Variants in ATG10 observed in about 807,000 individuals in gnomAD.
ATG10 encodes ubiquitin-like-conjugating enzyme ATG10.
ATG10 carries 30 observed loss-of-function variants against 32.1 expected under a neutral mutation model. That is an observed-to-expected ratio of 0.94 (90% CI 0.70 to 1.27). ATG10 has a LOEUF of 1.27. Ranked by LOEUF, ATG10 falls within the 50% of genes most tolerant of loss-of-function variation. The pLI, the probability that ATG10 is intolerant of heterozygous loss-of-function variation, is 0.00. For synonymous variants in ATG10, 87 were observed against 91.5 expected (o/e 0.95, Z 0.28); for missense variants, 233 against 262.3 (o/e 0.89, Z 0.77).
In ATG10 at chr5:82,034,285, A is replaced by G. The variant is rs553142976; in HGVS notation, c.109-24210A>G. On this transcript the variant is annotated intron_variant, in intron 2 of 7. Coordinates refer to ENST00000282185, the MANE Select transcript of ATG10 (RefSeq NM_031482.5). ...CATTAGCTTCCAATTGCTCAAGACAAAAACCCAGTGTTACCCTGGACCACT... is the reference window on the plus strand; with the variant it reads ...CATTAGCTTCCAATTGCTCAAGACAGAAACCCAGTGTTACCCTGGACCACT... Among the ~76,000 whole-genome samples the G allele has an allele frequency of 4.6e-5, 7 of 152,120 alleles. No individual in the cohort carries two copies. The South Asian group carries it at 6.2e-4, about 14-fold the overall frequency.
At chr5:81,973,509 G>C (rs1204759485) in intron 1 of ATG10, among the ~76,000 whole-genome samples, 1 of 152,166 alleles carries the variant, frequency 6.6e-6, no homozygotes, top group African/African-American at 2.4e-5. Flanking sequence ...AAATGCTTTT[G>C]AGCACACTAA....
rs548276592 is a variant in ATG10, at chr5:82,156,669, A to G, written c.217-7730A>G. On this transcript the variant is annotated intron_variant, in intron 3 of 7. Coordinates refer to ENST00000282185, the MANE Select transcript of ATG10 (RefSeq NM_031482.5). ...ATGTAAAGGGTAACACTGAAGAGAA[A>G]CACACTTGACCGACTTCTGAAGCTT... Among the ~76,000 whole-genome samples the G allele has an allele frequency of 2.0e-5, 3 of 152,304 alleles. No homozygotes were observed. The South Asian group carries it at 6.2e-4, about 32-fold the overall frequency.
chr5:82,233,422 C>A (rs1746440507), intron 5 of ATG10, among the ~76,000 whole-genome samples: 1 of 152,102 alleles, frequency 6.6e-6, no homozygotes, highest in South Asian at 2.1e-4. Context: ...TCTGATTATC[C>A]CAGGAATATA....
chr5:81,997,099 G>A (rs541436162), intron 2 of ATG10, among the ~76,000 whole-genome samples: 12 of 152,236 alleles, frequency 7.9e-5, no homozygotes, highest in African/African-American at 2.6e-4. Context: ...TTCACATGGA[G>A]GCCATCAGCC....
intron 2 of ATG10, among the ~76,000 whole-genome samples, chr5:81,998,159 A>G (rs534070778): frequency 3.4e-4 from 52 of 152,386 alleles, no homozygotes; most frequent in African/African-American, 1.1e-3. Flanking sequence ...TCACCTAAAA[A>G]GGGAACCCCA....
chr5:82,186,835 G>C (rs903707051), intron 5 of ATG10, among the ~76,000 whole-genome samples: 1 of 152,094 alleles, frequency 6.6e-6, no homozygotes, highest in Non-Finnish European at 1.5e-5. Context: ...GCCAGCCTTG[G>C]CCTCCCAAAG....
chr5:81,999,074 A>G (rs1761756120), intron 2 of ATG10, among the ~76,000 whole-genome samples: 1 of 151,856 alleles, frequency 6.6e-6, no homozygotes. Context: ...ACAACAGACT[A>G]TACATTCTTC....
chr5:82,195,380 C>T (rs1744814268), intron 5 of ATG10, among the ~76,000 whole-genome samples: 1 of 152,140 alleles, frequency 6.6e-6, no homozygotes, highest in Admixed American at 6.6e-5. Flanking sequence ...GGGAGGTTTT[C>T]TAAACCAGTC....
chr5:82,016,768 A>G (rs1581601880), intron 2 of ATG10, among the ~76,000 whole-genome samples: 1 of 151,164 alleles, frequency 6.6e-6, no homozygotes, highest in Non-Finnish European at 1.5e-5. Flanking sequence ...AGCTCACCGC[A>G]AGCTCTGCCT....
chr5:82,091,977 G>A (rs1764902606), intron 3 of ATG10, among the ~76,000 whole-genome samples: 1 of 152,088 alleles, frequency 6.6e-6, no homozygotes, highest in Admixed American at 6.6e-5. Flanking sequence ...GAAAACACAT[G>A]TTTCTGATTT....
intron 5 of ATG10, among the ~76,000 whole-genome samples, chr5:82,198,983 A>G (rs1744964988): frequency 6.6e-6 from 1 of 152,178 alleles, no homozygotes; most frequent in Non-Finnish European, 1.5e-5. Context: ...TTTTCCTGAA[A>G]ATGTTCCAGT....
intron 2 of ATG10, among the ~76,000 whole-genome samples, chr5:82,022,567 C>T (rs987334269): frequency 1.3e-5 from 2 of 151,500 alleles, no homozygotes; most frequent in Non-Finnish European, 2.9e-5. Flanking sequence ...AGGTGATCCT[C>T]CTGCCTCAGC....
intron 5 of ATG10, among the ~76,000 whole-genome samples, chr5:82,191,452 C>G (rs1324318677): frequency 6.6e-6 from 1 of 152,182 alleles, no homozygotes; most frequent in African/African-American, 2.4e-5. Context: ...AAGGTCTGCT[C>G]TTTTAAGCAC....
intron 5 of ATG10, among the ~76,000 whole-genome samples, chr5:82,209,412 A>G (rs1250849763): frequency 1.3e-5 from 2 of 152,100 alleles, no homozygotes; most frequent in Admixed American, 6.5e-5. Context: ...TCAAGGTGGG[A>G]TTAGTGTGCT....
At chr5:82,048,357 A>C (rs1176883952) in intron 2 of ATG10, among the ~76,000 whole-genome samples, 1 of 148,248 alleles carries the variant, frequency 6.7e-6, no homozygotes, top group Non-Finnish European at 1.5e-5. Context: ...TGAGCATGGA[A>C]TGTTCTTCCA....
intron 3 of ATG10, among the ~76,000 whole-genome samples, chr5:82,122,346 G>A (rs557979256): frequency 3.3e-5 from 5 of 151,932 alleles, no homozygotes; most frequent in South Asian, 2.1e-4. Flanking sequence ...TTTTTACATC[G>A]TATACAAAAA....
At chr5:82,195,781 C>A (rs1744830719) in intron 5 of ATG10, among the ~76,000 whole-genome samples, 1 of 152,272 alleles carries the variant, frequency 6.6e-6, no homozygotes, top group Middle Eastern at 3.4e-3. Context: ...ATCCATTCAT[C>A]AGTTGATGAA....
chr5:82,117,240 G>A (rs1765844860), intron 3 of ATG10, among the ~76,000 whole-genome samples: 1 of 152,054 alleles, frequency 6.6e-6, no homozygotes, highest in African/African-American at 2.4e-5. Flanking sequence ...AAAGACAATG[G>A]AAACATTATG....
chr5:82,209,534 T>C (rs1397165370), intron 5 of ATG10, among the ~76,000 whole-genome samples: 1 of 152,224 alleles, frequency 6.6e-6, no homozygotes, highest in Non-Finnish European at 1.5e-5. Flanking sequence ...TGTGTGTTGG[T>C]ACCTTGATCT....
Sources: allele counts gnomAD v4.1 joint callset (sites outside exome capture counted in the v4.1 genomes callset), GRCh38; gene constraint gnomAD v4.1.1; transcripts MANE v1.5; gene names NCBI Gene and HGNC (gene_info 2026-07-23, HGNC 2026-07-21).